The following SLC11A2 variants were observed in gnomAD, a reference collection of about 807,000 sequenced individuals.
SLC11A2 encodes solute carrier family 11 member 2, also known as natural resistance-associated macrophage protein 2.
Under a neutral mutation model 68.0 loss-of-function variants are expected in SLC11A2, and 38 were observed. That is an observed-to-expected ratio of 0.56 (90% CI 0.43 to 0.73). SLC11A2 has a LOEUF of 0.73. SLC11A2 is among the 30% of genes least tolerant of loss of function. SLC11A2 has a pLI of 0.00. For missense variants in SLC11A2, 517 were observed against 690.5 expected, an observed-to-expected ratio of 0.75 and a Z score of 2.82; for synonymous variants, 242 against 250.6, an observed-to-expected ratio of 0.97 and a Z score of 0.32.
intron 10 of SLC11A2, chr12:50,994,991 T>C (rs185725402): frequency 5.0e-4 from 157 of 312,408 alleles, no homozygotes; most frequent in Admixed American, 9.6e-4. Flanking sequence ...AGAGGTTCCA[T>C]AGACGGGAAA....
chr12:50,999,805 A>G (rs938688971), intron 6 of SLC11A2, among the ~76,000 whole-genome samples: 7 of 152,004 alleles, frequency 4.6e-5, no homozygotes, highest in African/African-American at 1.7e-4. Context: ...GTCAGGAGTT[A>G]GAGACCAGCC....
chr12:50,962,926 G>A, the SLC11A2 span, among the ~76,000 whole-genome samples: 1 of 152,130 alleles, frequency 6.6e-6, no homozygotes, highest in Non-Finnish European at 1.5e-5. Context: ...CTTGGTAGGC[G>A]AATCAGTGTT....
At position 51,005,308 on chromosome 12, in the gene SLC11A2, C is replaced by A; in HGVS notation, c.309+3G>T. ...AAGGACAGGGGTAGGACTAGATGTT[C>A]ACCTTAAATCCAGCCACTGCTCCAG... On this transcript the variant is annotated splice_donor_region_variant and intron_variant, in intron 4 of 15. Coordinates refer to ENST00000262052, the MANE Select transcript of SLC11A2 (RefSeq NM_000617.3). 2 of 1,613,790 alleles carry A rather than the reference C, an allele frequency of 1.2e-6. No homozygotes were observed. The highest frequency in any genetic ancestry group is 2.2e-5 in the South Asian group (2 of 91,004).
intron 15 of SLC11A2, among the ~76,000 whole-genome samples, chr12:50,989,902 T>G (rs1940972989): frequency 1.3e-5 from 2 of 152,216 alleles, no homozygotes; most frequent in Non-Finnish European, 2.9e-5. Context: ...CTACTATTCC[T>G]TATCCCTAAC....
intron 3 of SLC11A2, 85 bp from the exon 4 acceptor site, chr12:51,005,521 A>G: frequency 6.3e-7 from 1 of 1,593,434 alleles, no homozygotes; most frequent in Non-Finnish European, 8.6e-7. Context: ...ATGAAGCAAC[A>G]AAATCCAGCC....
At chr12:50,958,407 G>C in the SLC11A2 span, among the ~76,000 whole-genome samples, 1 of 149,194 alleles carries the variant, frequency 6.7e-6, no homozygotes, top group Non-Finnish European at 1.5e-5. Context: ...TCAGCCTCCC[G>C]AGTAGCTGGG....
downstream of SLC11A2, chr12:50,979,963 C>A (rs537785151): frequency 2.2e-6 from 1 of 454,054 alleles, no homozygotes; most frequent in Non-Finnish European, 4.4e-6. Flanking sequence ...CAGTGGCTCA[C>A]GCCTATAATC....
At chr12:50,966,548 C>T in the SLC11A2 span, among the ~76,000 whole-genome samples, 1 of 152,192 alleles carries the variant, frequency 6.6e-6, no homozygotes, top group African/African-American at 2.4e-5. Context: ...AAAACATCTC[C>T]AGACATTACC....
chr12:50,994,749 CA>C, intron 10 of SLC11A2, 119 bp from the exon 11 acceptor site: 1 of 723,274 alleles, frequency 1.4e-6, no homozygotes, highest in Non-Finnish European at 2.5e-6. Context: ...AAACACTGGA[CA>C]TATGCTGTGA....
At chr12:51,027,375 T>C (rs996860908), upstream of SLC11A2, among the ~76,000 whole-genome samples, 8 of 151,410 alleles carry the variant, frequency 5.3e-5, no homozygotes, top group African/African-American at 1.7e-4. Flanking sequence ...GAACATTTCC[T>C]CGCGCCCCCA....
the SLC11A2 span, among the ~76,000 whole-genome samples, chr12:50,966,179 T>C: frequency 4.6e-5 from 7 of 152,138 alleles, no homozygotes; most frequent in African/African-American, 1.7e-4. Context: ...CAGGATCCCA[T>C]CATCCCCATT....
chr12:51,010,525 A>AAAAT lies in SLC11A2; in HGVS notation c.34+169_34+170insATTT, dbSNP rs550136635. On this transcript the variant is annotated intron_variant, in intron 2 of 15. Coordinates refer to ENST00000262052, the MANE Select transcript of SLC11A2 (RefSeq NM_000617.3). ...AGAGACTCCACCTCAAAAAAAAAAAAAAAATCCATTTTCATTTACAGCCTA... is the reference window on the plus strand; with the variant it reads ...AGAGACTCCACCTCAAAAAAAAAAAAAAATAAAATCCATTTTCATTTACAGCCTA... 5.5e-3 allele frequency among the ~76,000 whole-genome samples: 830 copies of AAAAT among 151,970 alleles called. 6 individuals carry two copies. Among genetic ancestry groups the AAAAT allele is most frequent in the East Asian group, 0.035 (180 of 5,168 alleles).
chr12:50,992,744 A>AAG (rs1941293101), intron 12 of SLC11A2, 66 bp downstream of exon 12: 66 of 1,016,082 alleles, frequency 6.5e-5, no homozygotes, highest in East Asian at 2.8e-4. Context: ...AAAAAAAAAA[A>AAG]AAGAAGAAGA....
downstream of SLC11A2, among the ~76,000 whole-genome samples, chr12:50,982,144 T>C (rs1592286004): frequency 2.0e-5 from 3 of 152,224 alleles, no homozygotes; most frequent in African/African-American, 7.2e-5. Context: ...TTTACTACTG[T>C]GTGAATTAGA....
At chr12:50,954,093 G>A in the SLC11A2 span, 1 of 1,580,926 alleles carries the variant, frequency 6.3e-7, no homozygotes, top group Non-Finnish European at 8.7e-7. Flanking sequence ...GTCCCTATAG[G>A]TAAGTACAAG....
the SLC11A2 span, chr12:50,954,351 C>A: frequency 2.8e-6 from 1 of 359,326 alleles, no homozygotes; most frequent in Non-Finnish European, 5.0e-6. Context: ...ATTATTAGTT[C>A]CTAGCCAGTC....
downstream of SLC11A2, among the ~76,000 whole-genome samples, chr12:50,974,555 T>C (rs1297419137): frequency 1.3e-5 from 2 of 152,158 alleles, no homozygotes; most frequent in Non-Finnish European, 2.9e-5. Flanking sequence ...GTAAAGACCA[T>C]CGATGCTAGG....
chr12:50,998,028 G>A (rs934144126), intron 8 of SLC11A2, among the ~76,000 whole-genome samples: 1 of 151,300 alleles, frequency 6.6e-6, no homozygotes, highest in African/African-American at 2.4e-5. Context: ...GCTGCTAAGG[G>A]ACTTGTGGTT....
chr12:51,002,932 T>G lies in SLC11A2; in HGVS notation c.429+1856A>C, dbSNP rs1042654567. 5.9e-5 allele frequency among the ~76,000 whole-genome samples: 8 copies of G among 135,346 alleles called. No individual in the cohort carries two copies. The Admixed American group carries it at 6.2e-4, about 10-fold the overall frequency. The allele number at this position is 135,346 out of a possible 152,430, so 88.8% of individuals were successfully genotyped here. On this transcript the variant is annotated intron_variant, in intron 5 of 15. Coordinates refer to ENST00000262052, the MANE Select transcript of SLC11A2 (RefSeq NM_000617.3). ...TCCAGGCTGGGCAACAGAGTGAGAC[T>G]CCATCTCAAAAATACCAAAACAAGG...
Sources: gnomAD v4.1 joint callset for allele counts (sites outside exome capture counted in the v4.1 genomes callset) on GRCh38, gnomAD v4.1.1 for gene constraint, MANE v1.5 for transcripts, NCBI Gene and HGNC (gene_info 2026-07-23, HGNC 2026-07-21) for gene names.